Variants in WWOX observed in about 807,000 individuals in gnomAD.
The protein encoded by WWOX is WW domain-containing oxidoreductase.
Under a neutral mutation model 46.2 loss-of-function variants are expected in WWOX, and 69 were observed. That is an observed-to-expected ratio of 1.49 (90% CI 1.23 to 1.82). WWOX has a LOEUF of 1.82. WWOX is among the 40% of genes most tolerant of loss of function. WWOX has a pLI of 0.00. For synonymous variants in WWOX, 359 were observed against 202.6 expected, an observed-to-expected ratio of 1.77 and a Z score of -6.56; for missense variants, 919 against 542.6, an observed-to-expected ratio of 1.69 and a Z score of -6.89.
intron 8 of WWOX, among the ~76,000 whole-genome samples, chr16:79,137,473 G>A (rs2050004474): frequency 6.6e-6 from 1 of 152,148 alleles, no homozygotes; most frequent in Admixed American, 6.5e-5. Flanking sequence ...GAAAGTTTAG[G>A]ATTCTCTTCA....
At chr16:79,132,500 G>T (rs1366281981) in intron 8 of WWOX, among the ~76,000 whole-genome samples, 2 of 152,150 alleles carry the variant, frequency 1.3e-5, no homozygotes, top group Non-Finnish European at 2.9e-5. Context: ...CCACGTTTCA[G>T]ATGATTGGGA....
At chr16:78,783,489 T>C (rs1016415719) in intron 8 of WWOX, among the ~76,000 whole-genome samples, 1 of 152,154 alleles carries the variant, frequency 6.6e-6, no homozygotes. Flanking sequence ...AAAGTAGCTC[T>C]TTGTACCAAA....
chr16:78,225,140 G>A (rs2037009365), intron 5 of WWOX, among the ~76,000 whole-genome samples: 1 of 152,150 alleles, frequency 6.6e-6, no homozygotes. Context: ...TAGATGGATA[G>A]CCTACTACAC....
intron 6 of WWOX, among the ~76,000 whole-genome samples, chr16:78,394,962 T>C (rs1179056791): frequency 6.6e-6 from 1 of 152,224 alleles, no homozygotes; most frequent in South Asian, 2.1e-4. Flanking sequence ...CAAGTGTGTG[T>C]AATGTGTATT....
Position 78,393,779 on chromosome 16 carries a change from A to G in WWOX, c.605+6831A>G, listed in dbSNP as rs551866312. Among the ~76,000 whole-genome samples, 5 of 152,290 alleles carry G rather than the reference A, an allele frequency of 3.3e-5. No homozygotes were observed. The South Asian group carries it at 6.2e-4, about 19-fold the overall frequency. ...CTCTTCTGAACTTTCTGTCACCGGT[A>G]TAATTTAAAGAAATTATACTTAAGC... On this transcript the variant is annotated intron_variant, in intron 6 of 8. Coordinates refer to ENST00000566780, the MANE Select transcript of WWOX (RefSeq NM_016373.4).
chr16:79,097,627 C>T (rs973037118), intron 8 of WWOX, among the ~76,000 whole-genome samples: 1 of 152,164 alleles, frequency 6.6e-6, no homozygotes, highest in Non-Finnish European at 1.5e-5. Flanking sequence ...CGACATTCAA[C>T]ATCGTACTCC....
At chr16:78,571,786 G>A (rs1019579136) in intron 8 of WWOX, among the ~76,000 whole-genome samples, 61 of 152,228 alleles carry the variant, frequency 4.0e-4, no homozygotes, top group Non-Finnish European at 5.0e-4. Flanking sequence ...GAGAATCGCT[G>A]GAACCCGGGA....
chr16:78,628,841 G>T (rs985021457), intron 8 of WWOX, among the ~76,000 whole-genome samples: 3 of 152,152 alleles, frequency 2.0e-5, no homozygotes, highest in Non-Finnish European at 4.4e-5. Flanking sequence ...AGCTGGTTTC[G>T]TGAGGGATTA....
rs72795667 is a variant in WWOX, at chr16:79,075,967, C to G, written c.1057-135641C>G. Among the ~76,000 whole-genome samples, 995 of 152,210 alleles carry G rather than the reference C, an allele frequency of 6.5e-3. 8 individuals are homozygous for G. Among genetic ancestry groups the G allele is most frequent in the Middle Eastern group, 0.017 (5 of 294 alleles). On this transcript the variant is annotated intron_variant, in intron 8 of 8. Transcript: ENST00000566780. ...TAACGTTGGATCATGTGTGGAGTCC[C>G]CAGTTTTCAACATTAAAAATAAAGT...
intron 8 of WWOX, among the ~76,000 whole-genome samples, chr16:78,759,370 T>A (rs959138974): frequency 7.7e-4 from 118 of 152,306 alleles, no homozygotes; most frequent in African/African-American, 2.7e-3. Context: ...TTCTTCTGTT[T>A]CTTTTTCTAT....
chr16:78,529,024 G>A (rs975809591), intron 8 of WWOX, among the ~76,000 whole-genome samples: 4 of 149,962 alleles, frequency 2.7e-5, no homozygotes, highest in African/African-American at 7.4e-5. Flanking sequence ...CACGATCTTG[G>A]CTTACTATAG....
At chr16:78,791,584 G>A (rs1007761116) in intron 8 of WWOX, among the ~76,000 whole-genome samples, 2 of 152,062 alleles carry the variant, frequency 1.3e-5, no homozygotes, top group African/African-American at 4.8e-5. Context: ...GTGAATCTGA[G>A]GCAAACAGAA....
At chr16:78,789,516 C>T (rs1054585319) in intron 8 of WWOX, among the ~76,000 whole-genome samples, 10 of 152,138 alleles carry the variant, frequency 6.6e-5, no homozygotes, top group African/African-American at 2.4e-4. Context: ...GTATGCCTGT[C>T]CTTATGCCAT....
chr16:78,792,758 G>A (rs2050638226), intron 8 of WWOX, among the ~76,000 whole-genome samples: 1 of 152,162 alleles, frequency 6.6e-6, no homozygotes. Context: ...AAAGCAAAGA[G>A]TGGTTCAGGG....
chr16:78,759,396 C>T (rs1432948771), intron 8 of WWOX, among the ~76,000 whole-genome samples: 1 of 152,162 alleles, frequency 6.6e-6, no homozygotes, highest in Non-Finnish European at 1.5e-5. Context: ...CCTCTCTCTG[C>T]TTTTTCTTCT....
chr16:78,694,339 T>C (rs148051044), intron 8 of WWOX, among the ~76,000 whole-genome samples: 6 of 152,316 alleles, frequency 3.9e-5, no homozygotes, highest in African/African-American at 1.4e-4. Context: ...CCATGGTCTT[T>C]ACTGCTTCTG....
intron 8 of WWOX, among the ~76,000 whole-genome samples, chr16:78,676,222 A>C (rs1046102754): frequency 2.6e-5 from 4 of 151,720 alleles, no homozygotes; most frequent in African/African-American, 9.7e-5. Context: ...ACCATCAAGC[A>C]GAAGAAGCGG....
chr16:78,999,312 A>G (rs1260432546), intron 8 of WWOX, among the ~76,000 whole-genome samples: 2 of 152,134 alleles, frequency 1.3e-5, no homozygotes, highest in Non-Finnish European at 2.9e-5. Flanking sequence ...CTCTACTAAA[A>G]ATACAAAATT....
chr16:78,265,428 C>G (rs2079341973), intron 5 of WWOX, among the ~76,000 whole-genome samples: 2 of 152,118 alleles, frequency 1.3e-5, no homozygotes, highest in Admixed American at 6.5e-5. Context: ...CGCCTGTAAT[C>G]CCAGCACTTT....
Sources: allele counts gnomAD v4.1 joint callset (sites outside exome capture counted in the v4.1 genomes callset), GRCh38; gene constraint gnomAD v4.1.1; transcripts MANE v1.5; gene names NCBI Gene and HGNC (gene_info 2026-07-23, HGNC 2026-07-21).